The following NEURL1 variants were observed in gnomAD, a reference collection of about 807,000 sequenced individuals.
NEURL1 encodes neuralized E3 ubiquitin protein ligase 1.
Under a neutral mutation model 41.2 loss-of-function variants are expected in NEURL1, and 26 were observed. That is an observed-to-expected ratio of 0.63 (90% confidence interval 0.46 to 0.87). The LOEUF (loss-of-function observed/expected upper bound fraction) is 0.87, where lower values mean the gene tolerates loss of function less well. Among genes scored for constraint, NEURL1 ranks in the 40% least tolerant of loss-of-function variants. The probability of loss-of-function intolerance (pLI) is 0.00; values close to 1 mark genes in which losing one functional copy is unlikely to be tolerated. For missense variants in NEURL1, 761 were observed against 871.1 expected (o/e 0.87, Z 1.59); for synonymous variants, 400 against 402.3 (o/e 0.99, Z 0.07).
intron 1 of NEURL1, among the ~76,000 whole-genome samples, chr10:103,515,035 C>T (rs1262507418): frequency 2.0e-5 from 3 of 152,058 alleles, no homozygotes; most frequent in Non-Finnish European, 4.4e-5. Context: ...TGAGACTGGC[C>T]TGGCCAACAT....
In NEURL1 at chr10:103,571,825, G is replaced by A. The variant is rs749548074; in HGVS notation, c.649+3G>A. ...CACGCGGGGCGTCCAGCTGCTTGGTGAGTGCCTGCCCCTCCGGCCCCTTGG... is the reference window on the plus strand; with the variant it reads ...CACGCGGGGCGTCCAGCTGCTTGGTAAGTGCCTGCCCCTCCGGCCCCTTGG... On this transcript the variant is annotated splice_donor_region_variant and intron_variant, in intron 3 of 5. Transcript: ENST00000369780. 1.3e-6 allele frequency: 2 copies of A among 1,594,456 alleles called. No individual in the cohort carries two copies. Among genetic ancestry groups the A allele is most frequent in the South Asian group, 2.3e-5 (2 of 87,724 alleles).
intron 1 of NEURL1, among the ~76,000 whole-genome samples, chr10:103,568,152 T>C (rs1357975477): frequency 6.6e-6 from 1 of 152,162 alleles, no homozygotes; most frequent in Admixed American, 6.5e-5. Flanking sequence ...ATGGTGCCCC[T>C]GGACCAGAGT....
intron 1 of NEURL1, among the ~76,000 whole-genome samples, chr10:103,544,194 G>A (rs893993952): frequency 6.6e-6 from 1 of 152,174 alleles, no homozygotes; most frequent in African/African-American, 2.4e-5. Context: ...AGAAGGACAC[G>A]GTGACCTCTT....
At chr10:103,552,551 C>T (rs2133868319) in intron 1 of NEURL1, among the ~76,000 whole-genome samples, 1 of 152,362 alleles carries the variant, frequency 6.6e-6, no homozygotes, top group Admixed American at 6.5e-5. Context: ...CTGAGCCTCC[C>T]AGAACCTTGC....
At chr10:103,548,951 C>A (rs1348000209) in intron 1 of NEURL1, 1 of 152,274 alleles carries the variant, frequency 6.6e-6, no homozygotes, top group Non-Finnish European at 1.5e-5. Context: ...TGACCTGTGA[C>A]ACAGATCTTA....
At chr10:103,514,071 T>C (rs139988789) in intron 1 of NEURL1, among the ~76,000 whole-genome samples, 42 of 152,266 alleles carry the variant, frequency 2.8e-4, no homozygotes, top group African/African-American at 9.6e-4. Flanking sequence ...GGAGGTCTCC[T>C]GGATGAACTG....
rs887458342 is a variant in NEURL1 at position 103,494,071 on chromosome 10, C to G, written c.-317C>G. On this transcript the variant is annotated 5_prime_UTR_variant, in exon 1 of 6. Transcript: ENST00000369780. ...CACCCCCAGCCGGAACCCTAGCGTC[C>G]CGGGGAGCAAGCGGGGAGCCCCGGG... is the stretch of plus-strand genomic sequence containing the variant. 2 of 238,386 alleles carry G rather than the reference C, an allele frequency of 8.4e-6. No homozygotes were observed. The highest frequency in any genetic ancestry group is 4.6e-5 in the African/African-American group (2 of 43,570). The allele number at this position is 238,386 out of a possible 1,614,324, so 14.8% of individuals were successfully genotyped here.
intron 1 of NEURL1, among the ~76,000 whole-genome samples, chr10:103,502,174 A>T (rs1292452117): frequency 6.6e-6 from 1 of 152,196 alleles, no homozygotes; most frequent in Non-Finnish European, 1.5e-5. Flanking sequence ...TCTACTCAGG[A>T]CACCAAAGCT....
At chr10:103,498,037 C>A (rs7071035) in intron 1 of NEURL1, among the ~76,000 whole-genome samples, 1 of 151,844 alleles carries the variant, frequency 6.6e-6, no homozygotes, top group Non-Finnish European at 1.5e-5. Context: ...GGGGCTTGAG[C>A]GTATATCTAT....
chr10:103,546,817 G>A (rs1003942040), intron 1 of NEURL1, among the ~76,000 whole-genome samples: 1 of 152,222 alleles, frequency 6.6e-6, no homozygotes, highest in African/African-American at 2.4e-5. Flanking sequence ...GGTCAGAGGT[G>A]GGGGGAGACC....
At chr10:103,559,574 G>A (rs1210981250) in intron 1 of NEURL1, among the ~76,000 whole-genome samples, 2 of 152,250 alleles carry the variant, frequency 1.3e-5, no homozygotes, top group Non-Finnish European at 2.9e-5. Flanking sequence ...AGGTGTTCTC[G>A]GTGAGAGTTT....
chr10:103,535,437 T>C (rs1420230915), intron 1 of NEURL1, among the ~76,000 whole-genome samples: 1 of 152,122 alleles, frequency 6.6e-6, no homozygotes, highest in Non-Finnish European at 1.5e-5. Flanking sequence ...GGGCACTGAT[T>C]CCCCAGGAGC....
chr10:103,555,492 G>A, intron 1 of NEURL1: 1 of 1,227,462 alleles, frequency 8.1e-7, no homozygotes, highest in Non-Finnish European at 1.1e-6. Context: ...GGGGCGCTGG[G>A]GCTGAGGGCT....
rs575027013 is a variant in NEURL1, at chr10:103,529,879, C to T, written c.85+35407C>T. Among the ~76,000 whole-genome samples the T allele has an allele frequency of 1.4e-4, 22 of 152,192 alleles. No homozygotes were observed. The East Asian group carries it at 3.7e-3, about 25-fold the overall frequency. Reference sequence around the variant, plus strand: ...CACCATGGAAGATGTTACTGGAAAGCGGTCACAATTCAGACCCCAAGAGAG... The same window carrying T: ...CACCATGGAAGATGTTACTGGAAAGTGGTCACAATTCAGACCCCAAGAGAG... On this transcript the variant is annotated intron_variant, in intron 1 of 5. Coordinates refer to ENST00000369780, the MANE Select transcript of NEURL1 (RefSeq NM_004210.5).
chr10:103,532,814 C>A (rs2034599064), intron 1 of NEURL1, among the ~76,000 whole-genome samples: 1 of 150,814 alleles, frequency 6.6e-6, no homozygotes, highest in East Asian at 1.9e-4. Context: ...ATTTGGGAAT[C>A]TTTGAGCTTC....
chr10:103,583,375 G>T (rs546194239), intron 3 of NEURL1, among the ~76,000 whole-genome samples: 7 of 151,934 alleles, frequency 4.6e-5, no homozygotes, highest in Non-Finnish European at 8.8e-5. Flanking sequence ...CATATAAAAG[G>T]TAAAAAACAA....
At chr10:103,572,011 T>C (rs1327179225) in intron 3 of NEURL1, among the ~76,000 whole-genome samples, 189 bp downstream of exon 3, 1 of 152,192 alleles carries the variant, frequency 6.6e-6, no homozygotes, top group African/African-American at 2.4e-5. Flanking sequence ...CCCGTGGCTT[T>C]GCAGTGGAAC....
In NEURL1 at chr10:103,585,204, A is replaced by C. The variant is rs960307171; in HGVS notation, c.1318A>C (p.Ile440Leu). ...GATGCTCTTCGGCCTGCACGGGACC[A>C]TCACGCAGATCCGCATCCTCGGTGA... is the stretch of plus-strand genomic sequence containing the variant. ...LWMLFGLHGTITQIRILGSTI... is the reference protein window; with the variant it reads ...LWMLFGLHGTLTQIRILGSTI... Residue 440 changes from isoleucine to leucine, a missense_variant, in exon 4 of 6, where the codon ATC becomes CTC. This residue lies in a region of NEURL1 where 443 missense variants were observed against 408.1 expected (regional missense o/e 1.09). Transcript: ENST00000369780. 3.4e-5 allele frequency: 53 copies of C among 1,551,522 alleles called. No homozygotes were observed. Among genetic ancestry groups the C allele is most frequent in the Non-Finnish European group, 4.5e-5 (52 of 1,151,588 alleles).
intron 1 of NEURL1, among the ~76,000 whole-genome samples, chr10:103,561,047 C>T (rs1281113188): frequency 6.6e-6 from 1 of 152,226 alleles, no homozygotes; most frequent in Non-Finnish European, 1.5e-5. Context: ...TTGGCTGTGG[C>T]TGCTTCGCAA....
Sources: gnomAD v4.1 joint callset for allele counts (sites outside exome capture counted in the v4.1 genomes callset) on GRCh38, gnomAD v4.1.1 for gene constraint, gnomAD v4.1.1 regional missense constraint, MANE v1.5 for transcripts, NCBI Gene and HGNC (gene_info 2026-07-23, HGNC 2026-07-21) for gene names.